NBPF3: variants seen among roughly 807,000 people sequenced by gnomAD.
The protein encoded by NBPF3 is NBPF member 3.
Under a neutral mutation model 78.1 loss-of-function variants are expected in NBPF3, and 57 were observed. The ratio of observed to expected loss-of-function variants is 0.73; its 90% CI spans 0.59 to 0.91. The LOEUF (loss-of-function observed/expected upper bound fraction) is 0.91. Ranked by LOEUF, NBPF3 falls within the 40% of genes least tolerant of loss-of-function variation. The pLI, the probability that NBPF3 is intolerant of heterozygous loss-of-function variation, is 0.00. For missense variants in NBPF3, 510 were observed against 715.3 expected (o/e 0.71, Z 3.27); for synonymous variants, 182 against 271.7 (o/e 0.67, Z 3.25).
intron 4 of NBPF3, 126 bp downstream of exon 4, chr1:21,470,860 C>G: frequency 3.4e-6 from 2 of 580,314 alleles, no homozygotes; most frequent in Non-Finnish European, 6.4e-6. Context: ...ATGGCAGGCT[C>G]ACGACACACA....
chr1:21,457,103 TTTCAA>T (rs1641642080), intron 2 of NBPF3, among the ~76,000 whole-genome samples: 1 of 152,098 alleles, frequency 6.6e-6, no homozygotes, highest in African/African-American at 2.4e-5. Flanking sequence ...TACAATTTCA[TTTCAA>T]GTAACTTCTA....
chr1:21,439,466 GC>G (rs1240063089), upstream of NBPF3, among the ~76,000 whole-genome samples: 3 of 150,286 alleles, frequency 2.0e-5, no homozygotes, highest in African/African-American at 7.3e-5. Context: ...TCCATCCTGG[GC>G]AACGAGAGCA....
chr1:21,478,680 G>T (rs1489841559), intron 9 of NBPF3, among the ~76,000 whole-genome samples: 1 of 152,198 alleles, frequency 6.6e-6, no homozygotes, highest in African/African-American at 2.4e-5. Context: ...TATGAGTTTT[G>T]TTCCCAAAGC....
rs770888853 is a variant in NBPF3 at position 21,473,544 on chromosome 1, C to T, written c.899C>T (p.Ser300Phe). 4 of 1,614,214 alleles carry T rather than the reference C, an allele frequency of 2.5e-6. No individual in the cohort carries two copies. In the South Asian group the frequency reaches 4.4e-5, roughly 18 times the overall value. ...GTCGACTCAACTCTCATTGACTCATCCTCTCATGATGAATGGTTGGATGCT... is the reference window on the plus strand; with the variant it reads ...GTCGACTCAACTCTCATTGACTCATTCTCTCATGATGAATGGTTGGATGCT... Reference protein sequence around the residue: ...DQVDSTLIDSSSHDEWLDAVC... With the variant: ...DQVDSTLIDSFSHDEWLDAVC... Residue 300 changes from serine to phenylalanine, a missense_variant, in exon 7 of 15, where the codon TCC (serine) becomes TTC (phenylalanine). Around this residue, in one of 5 missense-constraint regions of NBPF3, gnomAD observed 440 missense variants for 478.2 expected, o/e 0.92. Transcript: ENST00000318249.
At chr1:21,440,393 G>C (rs937875265) in intron 1 of NBPF3, 45 bp downstream of exon 1, 1 of 151,968 alleles carries the variant, frequency 6.6e-6, no homozygotes, top group African/African-American at 2.4e-5. Flanking sequence ...ATCCGGGACC[G>C]GCGGGCGCAC....
upstream of NBPF3, chr1:21,437,593 C>A: frequency 1.5e-6 from 1 of 667,454 alleles, no homozygotes; most frequent in Non-Finnish European, 2.3e-6. Context: ...GGCATAACAC[C>A]AGTCGAGCCT....
intron 2 of NBPF3, chr1:21,454,076 C>T (rs1424595853): frequency 6.6e-6 from 1 of 152,200 alleles, no homozygotes; most frequent in Non-Finnish European, 1.5e-5. Flanking sequence ...ATCAGCAGCC[C>T]CAGCTGCTAC....
At chr1:21,442,013 C>A (rs1640680822) in intron 1 of NBPF3, among the ~76,000 whole-genome samples, 1 of 152,064 alleles carries the variant, frequency 6.6e-6, no homozygotes, top group Non-Finnish European at 1.5e-5. Flanking sequence ...TCTTTTATTG[C>A]CATTTATGTG....
At chr1:21,474,583 A>C (rs1642789885) in intron 7 of NBPF3, among the ~76,000 whole-genome samples, 1 of 152,194 alleles carries the variant, frequency 6.6e-6, no homozygotes. Flanking sequence ...TCAGTATTGC[A>C]ACAACACTCC....
chr1:21,478,482 G>T (rs1643005240), intron 9 of NBPF3, among the ~76,000 whole-genome samples, 175 bp downstream of exon 9: 1 of 152,216 alleles, frequency 6.6e-6, no homozygotes. Context: ...CAGGCGTGGG[G>T]TGGGTCAGTG....
chr1:21,438,624 G>T (rs1167103433), upstream of NBPF3, among the ~76,000 whole-genome samples: 1 of 152,180 alleles, frequency 6.6e-6, no homozygotes, highest in African/African-American at 2.4e-5. Flanking sequence ...ACTATATGCT[G>T]GACCTGTTCT....
chr1:21,474,749 G>A, intron 7 of NBPF3, 151 bp from the exon 8 acceptor site: 1 of 718,132 alleles, frequency 1.4e-6, no homozygotes, highest in Non-Finnish European at 2.3e-6. Flanking sequence ...TCTCACCAGA[G>A]TTAATCTAGG....
chr1:21,470,613 C>A lies in NBPF3; in HGVS notation c.344-19C>A. The stretch of plus-strand genomic sequence containing the variant: ...ATGTCCAGCCTTTCACTGAGGCAGG[C>A]GTGTGTGTCTTTTCTCAGACTATGA... On this transcript the variant is annotated intron_variant, in intron 3 of 14. Coordinates refer to ENST00000318249, the MANE Select transcript of NBPF3 (RefSeq NM_032264.6). 1.3e-6 allele frequency: 2 copies of A among 1,559,596 alleles called. No individual in the cohort carries two copies. The highest frequency in any genetic ancestry group is 1.8e-6 in the Non-Finnish European group (2 of 1,139,210).
chr1:21,474,955 A>G lies in NBPF3; in HGVS notation c.992+4A>G. ...AAAAAGGGCCAGTGTCTCCCAGGTAATGCCATGGAATTGTGGGCTGTTAAT... is the reference window on the plus strand; with the variant it reads ...AAAAAGGGCCAGTGTCTCCCAGGTAGTGCCATGGAATTGTGGGCTGTTAAT... On this transcript the variant is annotated splice_donor_region_variant and intron_variant, in intron 8 of 14. Transcript: ENST00000318249. The G allele has an allele frequency of 6.2e-7, 1 of 1,601,646 alleles. No individual in the cohort carries two copies. The highest frequency in any genetic ancestry group is 8.5e-7 in the Non-Finnish European group (1 of 1,171,566).
At position 21,471,750 on chromosome 1, in the gene NBPF3, C is replaced by G. The variant is rs762237949; in HGVS notation, c.628C>G (p.Leu210Val). Reference sequence around the variant, plus strand: ...AGAACAGCTGGCTGAGGGATGTAGGCTGGCACAGCACCTCGTCCAAAAGCT... The same window carrying G: ...AGAACAGCTGGCTGAGGGATGTAGGGTGGCACAGCACCTCGTCCAAAAGCT... ...LREQLAEGCR[L>V]AQHLVQKLSP... Residue 210 changes from leucine to valine, a missense_variant, in exon 5 of 15, where the codon CTG becomes GTG. Coordinates refer to ENST00000318249, the MANE Select transcript of NBPF3 (RefSeq NM_032264.6). The G allele has an allele frequency of 9.9e-6, 16 of 1,613,304 alleles. No individual in the cohort carries two copies. The highest frequency in any genetic ancestry group is 1.4e-5 in the Non-Finnish European group (16 of 1,179,856).
rs1553390330 is a variant in NBPF3 at position 21,457,352 on chromosome 1, A to ATATATATGTATGTATG, written c.134-11329_134-11328insGTATGTATGTATATAT. On this transcript the variant is annotated intron_variant, in intron 2 of 14. Coordinates refer to ENST00000318249, the MANE Select transcript of NBPF3 (RefSeq NM_032264.6). ...GGGTTTTTAGAGTGTGTGTGTGTAT[A>ATATATATGTATGTATG]TATATATATATGTATGTATATATAT... Among the ~76,000 whole-genome samples the ATATATATGTATGTATG allele has an allele frequency of 2.7e-3, 393 of 144,202 alleles. 6 individuals are homozygous for ATATATATGTATGTATG. Among genetic ancestry groups the ATATATATGTATGTATG allele is most frequent in the African/African-American group, 8.6e-3 (344 of 40,006 alleles). 94.6% of individuals were successfully genotyped at this position (144,202 alleles called of 152,430 possible).
chr1:21,443,080 G>A (rs897354135), intron 1 of NBPF3, among the ~76,000 whole-genome samples: 1 of 152,136 alleles, frequency 6.6e-6, no homozygotes, highest in African/African-American at 2.4e-5. Context: ...TGACTGTATG[G>A]TCATCTGATT....
rs1378524538 is a variant in NBPF3 at position 21,468,872 on chromosome 1, C to T, written c.318C>T (p.Phe106=). 2.5e-6 allele frequency: 4 copies of T among 1,614,098 alleles called. No homozygotes were observed. The highest frequency in any genetic ancestry group is 3.4e-6 in the Non-Finnish European group (4 of 1,179,948). Residue 106 remains phenylalanine, a synonymous_variant, in exon 3 of 15, where the codon TTC becomes TTT. Transcript: ENST00000318249. ...QKCLVTQVAY[F]LANRQNNYDY... is the part of the protein sequence containing the mutation. Reference sequence around the variant, plus strand: ...GTCTTGTAACTCAAGTGGCCTACTTCCTGGCCAACCGGCAAAATAATTACG... The same window carrying T: ...GTCTTGTAACTCAAGTGGCCTACTTTCTGGCCAACCGGCAAAATAATTACG...
At chr1:21,462,070 C>A (rs1168110673) in intron 2 of NBPF3, among the ~76,000 whole-genome samples, 2 of 152,024 alleles carry the variant, frequency 1.3e-5, no homozygotes, top group East Asian at 3.9e-4. Context: ...TCTCTGCACA[C>A]CCTGGTTCCT....
Sources: allele counts gnomAD v4.1 joint callset (sites outside exome capture counted in the v4.1 genomes callset), GRCh38; gene constraint gnomAD v4.1.1; regional missense constraint gnomAD v4.1.1; transcripts MANE v1.5; gene names NCBI Gene and HGNC (gene_info 2026-07-23, HGNC 2026-07-21).